The following NCKAP5 variants were observed in gnomAD, a reference collection of about 807,000 sequenced individuals.
The protein encoded by NCKAP5 is NCK associated protein 5.
A neutral mutation model predicts 167.0 loss-of-function variants in NCKAP5; 92 were observed. That is an observed-to-expected ratio of 0.55 (90% CI 0.47 to 0.66). The LOEUF is 0.66. NCKAP5 is among the 30% of genes least tolerant of loss of function. The pLI is 0.00. For missense variants in NCKAP5, 2,378 were observed against 2,315.0 expected (o/e 1.03, Z -0.56); for synonymous variants, 891 against 877.4 (o/e 1.02, Z -0.27).
the NCKAP5 span, among the ~76,000 whole-genome samples, chr2:133,600,509 G>A: frequency 5.3e-5 from 8 of 152,206 alleles, no homozygotes; most frequent in South Asian, 2.1e-4. Context: ...AAATGCTCAC[G>A]TGCCCACTGG....
chr2:132,852,451 T>C (rs926251681), intron 11 of NCKAP5, among the ~76,000 whole-genome samples: 1 of 152,218 alleles, frequency 6.6e-6, no homozygotes, highest in Non-Finnish European at 1.5e-5. Context: ...CCAGTTTAAC[T>C]ATATCCTTCT....
chr2:132,681,308 T>A (rs1685192568), intron 19 of NCKAP5, among the ~76,000 whole-genome samples: 1 of 151,772 alleles, frequency 6.6e-6, no homozygotes, highest in Non-Finnish European at 1.5e-5. Context: ...TAAAAATAAA[T>A]ATACATACTA....
At chr2:133,636,454 G>A in the NCKAP5 span, among the ~76,000 whole-genome samples, 2 of 152,190 alleles carry the variant, frequency 1.3e-5, no homozygotes, top group Non-Finnish European at 2.9e-5. Context: ...CTCTCAAGAA[G>A]AGGCGGTTGG....
At chr2:133,137,813 G>A (rs1574147804) in intron 5 of NCKAP5, among the ~76,000 whole-genome samples, 1 of 152,328 alleles carries the variant, frequency 6.6e-6, no homozygotes, top group African/African-American at 2.4e-5. Flanking sequence ...AGGATTCTTA[G>A]CAAAGCAATT....
intron 5 of NCKAP5, among the ~76,000 whole-genome samples, chr2:133,181,921 C>T (rs1043594927): frequency 1.8e-4 from 28 of 151,756 alleles, no homozygotes; most frequent in African/African-American, 5.8e-4. Context: ...AGTAAAAGGA[C>T]GAAAAAAGAT....
At chr2:133,006,779 A>C (rs999209618) in intron 6 of NCKAP5, among the ~76,000 whole-genome samples, 3 of 152,166 alleles carry the variant, frequency 2.0e-5, no homozygotes, top group African/African-American at 7.2e-5. Context: ...AAGGCAAGAA[A>C]ATCTAATTGG....
chr2:132,935,022 C>T (rs936824414), intron 8 of NCKAP5, among the ~76,000 whole-genome samples: 2 of 152,190 alleles, frequency 1.3e-5, no homozygotes, highest in African/African-American at 4.8e-5. Flanking sequence ...CCAATCAGTA[C>T]ATGGCTTTTT....
At chr2:132,810,701 A>C (rs1332205097) in intron 11 of NCKAP5, among the ~76,000 whole-genome samples, 1 of 152,124 alleles carries the variant, frequency 6.6e-6, no homozygotes, top group Non-Finnish European at 1.5e-5. Flanking sequence ...ATTTCCTTGC[A>C]GTGGACTTCG....
intron 4 of NCKAP5, among the ~76,000 whole-genome samples, chr2:133,229,443 T>C (rs1451174816): frequency 6.6e-6 from 1 of 152,216 alleles, no homozygotes; most frequent in Admixed American, 6.5e-5. Context: ...AGGCAGATGA[T>C]AGCTCTGGTG....
chr2:133,665,815 C>A, the NCKAP5 span, among the ~76,000 whole-genome samples: 23 of 152,154 alleles, frequency 1.5e-4, no homozygotes, highest in Non-Finnish European at 2.9e-5. Context: ...TTCAAAATCA[C>A]TATTTTTCAA....
the NCKAP5 span, among the ~76,000 whole-genome samples, chr2:133,627,395 T>G: frequency 6.6e-6 from 1 of 152,216 alleles, no homozygotes; most frequent in Non-Finnish European, 1.5e-5. Context: ...TATGTTGATG[T>G]TTTTATATAG....
At chr2:133,385,436 G>T (rs1168736813) in intron 3 of NCKAP5, among the ~76,000 whole-genome samples, 2 of 152,056 alleles carry the variant, frequency 1.3e-5, no homozygotes, top group South Asian at 4.1e-4. Flanking sequence ...ATGTGCTGCT[G>T]GATTCGGTTT....
chr2:133,425,157 ATCTCCCTG>A (rs1390266893), intron 3 of NCKAP5, among the ~76,000 whole-genome samples: 1 of 152,212 alleles, frequency 6.6e-6, no homozygotes, highest in Non-Finnish European at 1.5e-5. Flanking sequence ...TGTTCCAAAC[ATCTCCCTG>A]GTTAGGGGAT....
chr2:133,647,713 AAAGG>A, the NCKAP5 span, among the ~76,000 whole-genome samples: 294 of 85,756 alleles, frequency 3.4e-3, 2 homozygotes, highest in Middle Eastern at 0.038. Context: ...AAAGAAAAAG[AAAGG>A]AAGGAAGGAA....
chr2:132,754,540 C>T (rs1415506442), intron 16 of NCKAP5, among the ~76,000 whole-genome samples: 1 of 152,182 alleles, frequency 6.6e-6, no homozygotes, highest in African/African-American at 2.4e-5. Flanking sequence ...GCACTGCAGA[C>T]CAAATGCTCA....
At chr2:133,602,378 T>C in the NCKAP5 span, among the ~76,000 whole-genome samples, 1 of 152,116 alleles carries the variant, frequency 6.6e-6, no homozygotes, top group Admixed American at 6.5e-5. Flanking sequence ...TTGTGGGGTG[T>C]AGACAAAGAG....
chr2:133,153,985 C>T (rs960793075), intron 5 of NCKAP5, among the ~76,000 whole-genome samples: 25 of 151,684 alleles, frequency 1.6e-4, no homozygotes, highest in South Asian at 4.2e-4. Context: ...GGATTATAGG[C>T]GCCCGACCAC....
intron 19 of NCKAP5, among the ~76,000 whole-genome samples, chr2:132,680,172 T>C (rs1685032234): frequency 6.6e-6 from 1 of 152,120 alleles, no homozygotes; most frequent in South Asian, 2.1e-4. Flanking sequence ...CTCGGTTCCC[T>C]CTATTACCTC....
chr2:133,466,081 GC>G (rs1438944294), intron 3 of NCKAP5, among the ~76,000 whole-genome samples: 3 of 148,098 alleles, frequency 2.0e-5, no homozygotes, highest in Non-Finnish European at 4.5e-5. Context: ...TGAAGTCCTT[GC>G]CCATGCCTAT....
Sources: allele counts gnomAD v4.1 joint callset (sites outside exome capture counted in the v4.1 genomes callset), GRCh38; gene constraint gnomAD v4.1.1; transcripts MANE v1.5; gene names NCBI Gene and HGNC (gene_info 2026-07-23, HGNC 2026-07-21).